CC2D2B: variants seen among roughly 807,000 people sequenced by gnomAD.
The protein encoded by CC2D2B is coiled-coil and C2 domain containing 2B.
Under a neutral mutation model 161.2 loss-of-function variants are expected in CC2D2B, and 128 were observed. The ratio of observed to expected loss-of-function variants is 0.79; its 90% CI spans 0.69 to 0.92. CC2D2B has a LOEUF of 0.92. Among genes scored for constraint, CC2D2B ranks in the 40% least tolerant of loss-of-function variants. CC2D2B has a pLI of 0.00. For synonymous variants in CC2D2B, 391 were observed against 449.8 expected (o/e 0.87, Z 1.65); for missense variants, 1,173 against 1,375.1 (o/e 0.85, Z 2.32).
intron 10 of CC2D2B, among the ~76,000 whole-genome samples, chr10:95,951,403 C>T (rs1327005626): frequency 6.6e-6 from 1 of 152,148 alleles, no homozygotes; most frequent in Non-Finnish European, 1.5e-5. Context: ...TTGCCTGCCT[C>T]GGCCTCCTTA....
At chr10:95,939,620 T>G (rs1348416265) in intron 9 of CC2D2B, among the ~76,000 whole-genome samples, 1 of 152,242 alleles carries the variant, frequency 6.6e-6, no homozygotes, top group Non-Finnish European at 1.5e-5. Context: ...TGTGAGAGTT[T>G]CAGCTGCTTT....
chr10:96,031,515 C>A (rs1484780503), intron 34 of CC2D2B, among the ~76,000 whole-genome samples: 2 of 152,154 alleles, frequency 1.3e-5, no homozygotes, highest in East Asian at 3.8e-4. Flanking sequence ...AATTTTCTCA[C>A]CAGCAGTTTG....
At chr10:95,980,300 G>A (rs542247817) in intron 17 of CC2D2B, among the ~76,000 whole-genome samples, 5 of 152,302 alleles carry the variant, frequency 3.3e-5, no homozygotes, top group East Asian at 3.9e-4. Context: ...ACAGCTAAAC[G>A]TGTATAGGAG....
intron 14 of CC2D2B, among the ~76,000 whole-genome samples, chr10:95,967,879 T>C (rs904344932): frequency 1.1e-4 from 16 of 152,030 alleles, no homozygotes; most frequent in South Asian, 6.2e-4. Flanking sequence ...GGTGATTAGA[T>C]TGGGGAGCAG....
At chr10:95,923,351 G>A (rs914193826) in intron 3 of CC2D2B, among the ~76,000 whole-genome samples, 4 of 152,162 alleles carry the variant, frequency 2.6e-5, no homozygotes, top group African/African-American at 9.7e-5. Flanking sequence ...CTCCCAAAAT[G>A]CTGAGATTGC....
chr10:95,909,688 A>C (rs1187566497), intron 1 of CC2D2B, among the ~76,000 whole-genome samples: 1 of 152,228 alleles, frequency 6.6e-6, no homozygotes, highest in Non-Finnish European at 1.5e-5. Flanking sequence ...TGCATTGTGT[A>C]ACCATTTCCA....
At chr10:95,950,656 T>C (rs1224186838) in intron 10 of CC2D2B, 2 of 152,308 alleles carry the variant, frequency 1.3e-5, no homozygotes, top group East Asian at 1.9e-4. Context: ...GGTATTTTGA[T>C]AGTATGTCTC....
At chr10:95,914,142 G>A (rs4512762) in intron 2 of CC2D2B, among the ~76,000 whole-genome samples, 5,016 of 152,160 alleles carry the variant, frequency 0.033, 125 homozygotes, top group South Asian at 0.083. Context: ...TTTTGTATAT[G>A]GTGAGAGATA....
At chr10:95,925,078 A>T (rs1026002596) in intron 5 of CC2D2B, among the ~76,000 whole-genome samples, 6 of 152,170 alleles carry the variant, frequency 3.9e-5, no homozygotes, top group Admixed American at 2.6e-4. Flanking sequence ...TTTTTATCCT[A>T]AAAAATTATA....
intron 33 of CC2D2B, among the ~76,000 whole-genome samples, chr10:96,025,954 C>T (rs777493732): frequency 1.3e-5 from 2 of 152,174 alleles, no homozygotes; most frequent in East Asian, 3.9e-4. Flanking sequence ...CAGTTCTTAA[C>T]AAAAAAGGAA....
At chr10:95,975,145 A>T (rs2141532329) in intron 17 of CC2D2B, among the ~76,000 whole-genome samples, 1 of 152,342 alleles carries the variant, frequency 6.6e-6, no homozygotes, top group African/African-American at 2.4e-5. Flanking sequence ...TTTTGCTGCA[A>T]ATCTAAAACT....
chr10:95,916,957 T>G (rs1431366113), intron 2 of CC2D2B, among the ~76,000 whole-genome samples: 4 of 151,768 alleles, frequency 2.6e-5, no homozygotes, highest in Admixed American at 1.3e-4. Context: ...ATTTTCTGTC[T>G]GGATGATCTG....
At chr10:95,926,848 C>CTGTGTGTGTGTGTCTGTGTGTG in intron 5 of CC2D2B, among the ~76,000 whole-genome samples, 1 of 106,902 alleles carries the variant, frequency 9.4e-6, no homozygotes, top group Non-Finnish European at 1.9e-5. Context: ...GTGTGTGTGT[C>CTGTGTGTGTGTGTCTGTGTGTG]TGTGTGTGTG....
intron 9 of CC2D2B, among the ~76,000 whole-genome samples, chr10:95,940,819 T>C (rs1292601542): frequency 6.6e-6 from 1 of 152,142 alleles, no homozygotes; most frequent in East Asian, 1.9e-4. Flanking sequence ...TCTGCAGACT[T>C]AGAGCAATCC....
intron 2 of CC2D2B, among the ~76,000 whole-genome samples, chr10:95,915,534 G>A (rs1358546246): frequency 6.6e-6 from 1 of 152,190 alleles, no homozygotes; most frequent in African/African-American, 2.4e-5. Context: ...AACATTAGCT[G>A]TGGGTCTGTC....
chr10:96,018,156 T>C (rs2079286888), intron 30 of CC2D2B, among the ~76,000 whole-genome samples: 1 of 152,218 alleles, frequency 6.6e-6, no homozygotes, highest in African/African-American at 2.4e-5. Context: ...GTGTTAATTC[T>C]TAGCATAATA....
At chr10:95,960,110 T>C (rs1251406852) in intron 11 of CC2D2B, among the ~76,000 whole-genome samples, 1 of 152,182 alleles carries the variant, frequency 6.6e-6, no homozygotes, top group Non-Finnish European at 1.5e-5. Context: ...CCAGAACACT[T>C]AAGCAGTTTT....
Position 95,997,183 on chromosome 10 carries a change from T to A in CC2D2B, c.2849+931T>A, listed in dbSNP as rs142720237. 3.5e-3 allele frequency among the ~76,000 whole-genome samples: 528 copies of A among 152,356 alleles called. 3 individuals carry two copies. The highest frequency in any genetic ancestry group is 0.012 in the African/African-American group (500 of 41,586). On this transcript the variant is annotated intron_variant, in intron 24 of 34. Coordinates refer to ENST00000646931, the MANE Select transcript of CC2D2B (RefSeq NM_001349008.3). Reference sequence around the variant, plus strand: ...TAAGACATTGTTATTTTTTTATTTTTATTTCTATATTGTATTCTGTTGTAT... The same window carrying A: ...TAAGACATTGTTATTTTTTTATTTTAATTTCTATATTGTATTCTGTTGTAT...
In CC2D2B at chr10:95,943,301, C is replaced by G. The variant is rs77239937; in HGVS notation, c.801+4376C>G. ...ATGTTCCATTGCTTCTCTCTGCTAT[C>G]TCCCACACAATCGCCAATGCTATTC... On this transcript the variant is annotated intron_variant, in intron 9 of 34. Transcript: ENST00000646931. Among the ~76,000 whole-genome samples, 67 of 152,312 alleles carry G rather than the reference C, an allele frequency of 4.4e-4. No homozygotes were observed. The East Asian group carries it at 0.012, about 28-fold the overall frequency.
Sources: gnomAD v4.1 joint callset for allele counts (sites outside exome capture counted in the v4.1 genomes callset) on GRCh38, gnomAD v4.1.1 for gene constraint, MANE v1.5 for transcripts, NCBI Gene and HGNC (gene_info 2026-07-23, HGNC 2026-07-21) for gene names.